Variants in DNAJC21 observed in about 807,000 individuals in gnomAD.
The protein encoded by DNAJC21 is dnaJ homolog subfamily C member 21.
Under a neutral mutation model 72.4 loss-of-function variants are expected in DNAJC21, and 63 were observed. The observed-to-expected ratio is 0.87, with a 90% CI of 0.71 to 1.07. The LOEUF is 1.07. Ranked by LOEUF, DNAJC21 falls within the 50% of genes least tolerant of loss-of-function variation. The pLI is 0.00. For synonymous variants in DNAJC21, 203 were observed against 216.7 expected, an observed-to-expected ratio of 0.94 and a Z score of 0.56; for missense variants, 634 against 644.8, an observed-to-expected ratio of 0.98 and a Z score of 0.18.
chr5:34,935,708 A>G lies in DNAJC21; in HGVS notation c.192-2A>G. 1 of 1,613,706 alleles carries G rather than the reference A, an allele frequency of 6.2e-7. No homozygotes were observed. The highest frequency in any genetic ancestry group is 8.5e-7 in the Non-Finnish European group (1 of 1,179,804). ...ACAATGATGCTAATTTTTGTTTTTC[A>G]GGTATGATAATCATAGAGAGGCCCT... On this transcript the variant is annotated splice_acceptor_variant, in intron 2 of 11. Transcript: ENST00000648817. LOFTEE classifies it high-confidence loss of function.
At position 34,938,869 on chromosome 5, in the gene DNAJC21, A is replaced by C; in HGVS notation, c.755A>C (p.Gln252Pro). The change falls in exon 6 of 12, where the codon CAG (glutamine) becomes CCG (proline). Residue 252 changes from glutamine to proline, a missense_variant. Physicochemically the swap from Gln to Pro is moderately conservative, Grantham distance 76. Coordinates refer to ENST00000648817, the MANE Select transcript of DNAJC21 (RefSeq NM_001012339.3). ...CTGTATGTGTCTAGACTGGTGGAGC[A>C]GTACAGAGAACAGAGCTGGATGACT... is the stretch of plus-strand genomic sequence containing the variant. ...QKLKQAKLVE[Q>P]YREQSWMTMA... 6.2e-7 allele frequency: 1 copy of C among 1,613,044 alleles called. No homozygotes were observed. Among genetic ancestry groups the C allele is most frequent in the Non-Finnish European group, 8.5e-7 (1 of 1,179,646 alleles).
intron 1 of DNAJC21, 182 bp downstream of exon 1, chr5:34,930,098 C>T (rs1561178292): frequency 4.8e-6 from 2 of 415,082 alleles, no homozygotes; most frequent in African/African-American, 2.2e-5. Context: ...AAGCGCTCTG[C>T]CCTGGCGCAC....
At chr5:34,948,847 A>G (rs1246757496) in intron 9 of DNAJC21, among the ~76,000 whole-genome samples, 1 of 152,048 alleles carries the variant, frequency 6.6e-6, no homozygotes, top group Non-Finnish European at 1.5e-5. Context: ...CCTGGGCAAC[A>G]GAGCAAGACT....
intron 10 of DNAJC21, chr5:34,951,041 A>C: frequency 3.0e-6 from 3 of 985,534 alleles, no homozygotes; most frequent in Non-Finnish European, 3.6e-6. Context: ...AAGTGGGAGC[A>C]TGACGTGAAA....
At chr5:34,942,620 T>A (rs1765033231) in intron 7 of DNAJC21, among the ~76,000 whole-genome samples, 1 of 152,228 alleles carries the variant, frequency 6.6e-6, no homozygotes. Context: ...GAATATAGTG[T>A]GTCTGATTGA....
Position 34,958,437 on chromosome 5 carries a change from C to T in DNAJC21, c.*3723C>T, listed in dbSNP as rs1214847679. The T allele has an allele frequency of 1.3e-5, 2 of 152,068 alleles. No homozygotes were observed. The highest frequency in any genetic ancestry group is 2.9e-5 in the Non-Finnish European group (2 of 68,022). 9.4% of individuals were successfully genotyped at this position (152,068 alleles called of 1,614,324 possible). The stretch of plus-strand genomic sequence containing the variant: ...TCCCCAAAAACAAAGGGATTAAAGA[C>T]CTAAATATGAAGACAAAACTTTTAA... On this transcript the variant is annotated 3_prime_UTR_variant, in exon 12 of 12. Transcript: ENST00000648817.
In DNAJC21 at chr5:34,954,999, T is replaced by C. The variant is rs1188797347; in HGVS notation, c.*285T>C. The C allele has an allele frequency of 4.6e-6, 1 of 215,856 alleles. No homozygotes were observed. Among genetic ancestry groups the C allele is most frequent in the East Asian group, 9.9e-5 (1 of 10,130 alleles). The allele number at this position is 215,856 out of a possible 1,614,324, so 13.4% of individuals were successfully genotyped here. Reference sequence around the variant, plus strand: ...GTTTATTGGCTCATGTGGACAGAAATGTACAGGGAGAATTACATTATTTTA... The same window carrying C: ...GTTTATTGGCTCATGTGGACAGAAACGTACAGGGAGAATTACATTATTTTA... On this transcript the variant is annotated 3_prime_UTR_variant, in exon 12 of 12. Transcript: ENST00000648817.
intron 1 of DNAJC21, among the ~76,000 whole-genome samples, chr5:34,933,139 C>A (rs1339139015): frequency 2.6e-5 from 4 of 152,112 alleles, no homozygotes; most frequent in African/African-American, 9.7e-5. Flanking sequence ...AAGAAAAAAA[C>A]AATGTCAGCA....
intron 9 of DNAJC21, chr5:34,949,796 T>C (rs1304750190): frequency 1.2e-5 from 18 of 1,504,416 alleles, no homozygotes; most frequent in Non-Finnish European, 1.5e-5. Context: ...TATGGAAAAG[T>C]ATCATCCTTA....
chr5:34,941,919 T>C (rs1431853199), intron 7 of DNAJC21, among the ~76,000 whole-genome samples: 1 of 151,824 alleles, frequency 6.6e-6, no homozygotes, highest in Non-Finnish European at 1.5e-5. Context: ...CTAAAAACAA[T>C]GTGCTTGTAG....
At chr5:34,952,110 G>GT (rs1561193056) in intron 10 of DNAJC21, 4 of 980,358 alleles carry the variant, frequency 4.1e-6, no homozygotes, top group Non-Finnish European at 4.8e-6. Flanking sequence ...ACTGAGAAGT[G>GT]TTTTTTTAAA....
intron 6 of DNAJC21, among the ~76,000 whole-genome samples, chr5:34,940,631 T>G (rs1028226482): frequency 1.3e-5 from 2 of 152,244 alleles, no homozygotes; most frequent in Non-Finnish European, 2.9e-5. Flanking sequence ...TGTTAAACTT[T>G]ACATGTAATA....
At chr5:34,944,843 G>C (rs758790916) in intron 7 of DNAJC21, 24 bp from the exon 8 acceptor site, 6 of 1,613,468 alleles carry the variant, frequency 3.7e-6, no homozygotes, top group Non-Finnish European at 5.1e-6. Flanking sequence ...TAGCGCAGCT[G>C]CTCACGTCAG....
chr5:34,937,328 A>G lies in DNAJC21; in HGVS notation c.441A>G (p.Val147=), dbSNP rs769942241. 2.5e-6 allele frequency: 4 copies of G among 1,606,766 alleles called. No homozygotes were observed. The highest frequency in any genetic ancestry group is 2.5e-6 in the Non-Finnish European group (3 of 1,176,724). Residue 147 remains valine, a splice_region_variant and synonymous_variant, in exon 5 of 12, where the codon GTA becomes GTG. Transcript: ENST00000648817. ...TAATCTGTTTTCTTTGTCACTAGGT[A>G]GTCCATCCTTTCTACGCTTATTGGC... is the stretch of plus-strand genomic sequence containing the variant. ...FGDSQSDYDT[V]VHPFYAYWQS... is the part of the protein sequence containing the mutation.
intron 10 of DNAJC21, chr5:34,952,123 A>ATGTG (rs3220525): frequency 0.22 from 203,550 of 945,992 alleles, 6,283 homozygotes; most frequent in South Asian, 0.32. Flanking sequence ...TTTTTAAAAA[A>ATGTG]TGTGTGTGTG....
In DNAJC21 at chr5:34,941,175, A is replaced by G. The variant is rs1764976859; in HGVS notation, c.975A>G (p.Thr325=). Residue 325 remains threonine, a synonymous_variant, in exon 7 of 12, where the codon ACA becomes ACG. Transcript: ENST00000648817. Reference sequence around the variant, plus strand: ...CAGCATGTGACAAATCGTTCAAGACAGAAAAGGCGTAAGTTTATTAATTTA... The same window carrying G: ...CAGCATGTGACAAATCGTTCAAGACGGAAAAGGCGTAAGTTTATTAATTTA... The part of the protein sequence containing the change: ...YCPACDKSFK[T]EKAMKNHEKS... The G allele has an allele frequency of 1.9e-6, 3 of 1,613,834 alleles. No homozygotes were observed. Among genetic ancestry groups the G allele is most frequent in the African/African-American group, 1.3e-5 (1 of 74,892 alleles).
At chr5:34,941,259 AC>A in intron 7 of DNAJC21, 76 bp downstream of exon 7, 1 of 1,308,486 alleles carries the variant, frequency 7.6e-7, no homozygotes. Flanking sequence ...GTGCAGTGGC[AC>A]AGTCATGACT....
chr5:34,953,638 T>C (rs996761322), intron 10 of DNAJC21: 1 of 285,664 alleles, frequency 3.5e-6, no homozygotes, highest in Non-Finnish European at 6.5e-6. Context: ...CATTTATCTC[T>C]GTATAAAACA....
At chr5:34,932,282 G>C (rs1387788032) in intron 1 of DNAJC21, among the ~76,000 whole-genome samples, 1 of 152,084 alleles carries the variant, frequency 6.6e-6, no homozygotes, top group Non-Finnish European at 1.5e-5. Flanking sequence ...TTAGCTGGGC[G>C]TGGTGGCGCA....
Sources: gnomAD v4.1 joint callset for allele counts (sites outside exome capture counted in the v4.1 genomes callset) on GRCh38, gnomAD v4.1.1 for gene constraint, MANE v1.5 for transcripts, NCBI Gene and HGNC (gene_info 2026-07-23, HGNC 2026-07-21) for gene names.